The following ZNF48 variants were observed in gnomAD, a reference collection of about 807,000 sequenced individuals.
The protein encoded by ZNF48 is zinc finger protein 553.
A neutral mutation model predicts 40.0 loss-of-function variants in ZNF48; 20 were observed. The observed-to-expected ratio is 0.50, with a 90% CI of 0.35 to 0.73. The LOEUF is 0.73. Among genes scored for constraint, ZNF48 ranks in the 30% least tolerant of loss-of-function variants. The pLI is 0.01. For synonymous variants in ZNF48, 298 were observed against 329.7 expected (o/e 0.90, Z 1.04); for missense variants, 726 against 851.9 (o/e 0.85, Z 1.84).
upstream of ZNF48, among the ~76,000 whole-genome samples, chr16:30,393,842 T>C (rs537630451): frequency 6.6e-6 from 1 of 152,158 alleles, no homozygotes; most frequent in East Asian, 1.9e-4. Flanking sequence ...CAGTCTCCAG[T>C]GTAGCCAGGA....
At position 30,381,260 on chromosome 16, in the gene ZNF48, G is replaced by C; in HGVS notation, c.-16+2850G>C. On this transcript the variant is annotated intron_variant, in intron 1 of 2. Coordinates refer to the ZNF48 transcript ENST00000528032. The surrounding 1 kb of genome is among the most constrained non-coding windows in gnomAD (Gnocchi z 4.3). Reference sequence around the variant, plus strand: ...GGGCCGGAGCCTGCACCCAGGGATTGGTCATTGCCCAGCCTCAGGGGGCAG... The same window carrying C: ...GGGCCGGAGCCTGCACCCAGGGATTCGTCATTGCCCAGCCTCAGGGGGCAG... The C allele has an allele frequency of 1.9e-6, 3 of 1,613,418 alleles. No homozygotes were observed. Among genetic ancestry groups the C allele is most frequent in the Non-Finnish European group, 2.5e-6 (3 of 1,179,438 alleles).
In ZNF48 at chr16:30,397,958, C is replaced by T. The variant is rs1306078953; in HGVS notation, c.708C>T (p.Ile236=). The stretch of plus-strand genomic sequence containing the variant: ...GCTTTGGCGACAGTTCCGCCCGCAT[C>T]AAGCACCAGCGGACACACCGGGGGG... ...GKGFGDSSAR[I]KHQRTHRGEQ... Residue 236 remains isoleucine (I), a synonymous_variant, in exon 3 of 3, where the codon ATC becomes ATT. Coordinates refer to ENST00000613509, the MANE Select transcript of ZNF48 (RefSeq NM_001214909.2). The surrounding 1 kb of genome is among the most constrained non-coding windows in gnomAD (Gnocchi z 4.1). The T allele has an allele frequency of 6.2e-7, 1 of 1,613,812 alleles. No homozygotes were observed. Among genetic ancestry groups the T allele is most frequent in the East Asian group, 2.2e-5 (1 of 44,864 alleles).
Position 30,395,940 on chromosome 16 carries a change from TG to T in ZNF48, c.79+69del, listed in dbSNP as rs2049981071. 1.4e-6 allele frequency: 2 copies of T among 1,418,752 alleles called. No individual in the cohort carries two copies. The highest frequency in any genetic ancestry group is 5.5e-5 in the East Asian group (2 of 36,446). 87.9% of individuals were successfully genotyped at this position (1,418,752 alleles called of 1,614,324 possible). A position where few individuals can be genotyped will look rare whatever the true frequency, so the allele number is the denominator to read the frequency against. ...CGGTGGGGACTGCGATGCTTGGCTG[TG>T]GCCGGCCGAGATCCTGGAAGATCGG... On this transcript the variant is annotated intron_variant, in intron 2 of 2. Transcript: ENST00000613509. The surrounding 1 kb of genome is among the most constrained non-coding windows in gnomAD (Gnocchi z 5.9).
chr16:30,383,513 G>T (rs1039158441), intron 1 of ZNF48, among the ~76,000 whole-genome samples: 2 of 152,142 alleles, frequency 1.3e-5, no homozygotes, highest in Non-Finnish European at 2.9e-5. Context: ...AAAAGAAAAA[G>T]AAAAAAGTGG....
chr16:30,397,619 G>C lies in ZNF48; in HGVS notation c.369G>C (p.Gln123His). ...GTGAGTGTGGCAAAAGCTTCAGGCA[G>C]ATGTCAGATCTGGTGAAACACCAGC... ...VCGECGKSFR[Q>H]MSDLVKHQRT... is the part of the protein sequence containing the mutation. The change falls in exon 3 of 3, where the codon CAG (glutamine) becomes CAC (histidine). Residue 123 changes from glutamine (Q) to histidine (H), a missense_variant. This residue lies in a region of ZNF48 where 151 missense variants were observed against 162.3 expected (regional missense o/e 0.93). Coordinates refer to ENST00000613509, the MANE Select transcript of ZNF48 (RefSeq NM_001214909.2). The surrounding 1 kb of genome is among the most constrained non-coding windows in gnomAD (Gnocchi z 4.1). 1 of 1,614,150 alleles carries C rather than the reference G, an allele frequency of 6.2e-7. No homozygotes were observed.
intron 1 of ZNF48, among the ~76,000 whole-genome samples, chr16:30,385,817 A>G (rs1194035840): frequency 1.3e-5 from 2 of 150,576 alleles, no homozygotes; most frequent in Admixed American, 6.6e-5. Flanking sequence ...CTTTGACAGA[A>G]TAACATGTTT....
chr16:30,397,481 C>G lies in ZNF48; in HGVS notation c.231C>G (p.Asp77Glu), dbSNP rs1281231407. 1 of 1,614,128 alleles carries G rather than the reference C, an allele frequency of 6.2e-7. No individual in the cohort carries two copies. The highest frequency in any genetic ancestry group is 2.2e-5 in the East Asian group (1 of 44,892). ...CTGAAGGCATCCAGAACTGGGATGACTTATGGGTCCAGAGAGAGGGTCTAG... is the reference window on the plus strand; with the variant it reads ...CTGAAGGCATCCAGAACTGGGATGAGTTATGGGTCCAGAGAGAGGGTCTAG... ...LKPEGIQNWD[D>E]LWVQREGLGK... Residue 77 changes from aspartate (D) to glutamate (E), a missense_variant, in exon 3 of 3, where the codon GAC becomes GAG. This residue lies in a region of ZNF48 where 151 missense variants were observed against 162.3 expected (regional missense o/e 0.93). Transcript: ENST00000613509. The surrounding 1 kb of genome is among the most constrained non-coding windows in gnomAD (Gnocchi z 4.1).
upstream of ZNF48, among the ~76,000 whole-genome samples, chr16:30,393,548 C>G (rs2151116409): frequency 6.6e-6 from 1 of 151,986 alleles, no homozygotes; most frequent in African/African-American, 2.4e-5. Flanking sequence ...CCACGCCCTG[C>G]TAAGTTTTGT....
Position 30,399,033 on chromosome 16 carries a change from G to A in ZNF48, c.1783G>A (p.Val595Ile). The A allele has an allele frequency of 6.2e-7, 1 of 1,613,632 alleles. No individual in the cohort carries two copies. ...ARIKHQRGHL[V>I]LTPFGIGDGR... Reference sequence around the variant, plus strand: ...CATCAAGCACCAGCGTGGGCACCTGGTCCTGACGCCCTTTGGGATAGGGGA... The same window carrying A: ...CATCAAGCACCAGCGTGGGCACCTGATCCTGACGCCCTTTGGGATAGGGGA... The change falls in exon 3 of 3, where the codon GTC becomes ATC. Residue 595 changes from valine (V) to isoleucine (I), a missense_variant. Coordinates refer to ENST00000613509, the MANE Select transcript of ZNF48 (RefSeq NM_001214909.2).
rs1352070282 is a variant in ZNF48 at position 30,395,964 on chromosome 16, C to T, written c.79+91C>T. ...GTGGCCGGCCGAGATCCTGGAAGATCGGACGTGAGCTGTGCCTCTGGGGAG... is the reference window on the plus strand; with the variant it reads ...GTGGCCGGCCGAGATCCTGGAAGATTGGACGTGAGCTGTGCCTCTGGGGAG... On this transcript the variant is annotated intron_variant, in intron 2 of 2. Coordinates refer to ENST00000613509, the MANE Select transcript of ZNF48 (RefSeq NM_001214909.2). This position sits in a 1 kb window ranked among gnomAD's most constrained non-coding sequence, Gnocchi z 5.9. 7.6e-7 allele frequency: 1 copy of T among 1,308,664 alleles called. No individual in the cohort carries two copies. Among genetic ancestry groups the T allele is most frequent in the East Asian group, 2.9e-5 (1 of 34,220 alleles). 81.1% of individuals were successfully genotyped at this position (1,308,664 alleles called of 1,614,324 possible).
intron 1 of ZNF48, among the ~76,000 whole-genome samples, chr16:30,383,341 A>G (rs529019645): frequency 1.5e-4 from 23 of 152,140 alleles, no homozygotes; most frequent in African/African-American, 4.3e-4. Flanking sequence ...GGCACCTGCT[A>G]CCGCGCCTGG....
rs1442893004 is a variant in ZNF48, at chr16:30,397,560, G to A, written c.310G>A (p.Gly104Ser). 6.2e-7 allele frequency: 1 copy of A among 1,614,086 alleles called. No homozygotes were observed. The highest frequency in any genetic ancestry group is 1.7e-5 in the Admixed American group (1 of 60,024). ...CCGGCTCCTGGGTGAACCACGCTGG[G>A]GCCAGGCTAGTAGTGATCGGGCCGC... ...GPRLLGEPRWGQASSDRAAVC... is the reference protein window; with the variant it reads ...GPRLLGEPRWSQASSDRAAVC... Residue 104 changes from glycine to serine, a missense_variant, in exon 3 of 3, where the codon GGC (glycine) becomes AGC (serine). Gly to Ser is a moderately conservative substitution (Grantham distance 56). Transcript: ENST00000613509. The surrounding 1 kb of genome is among the most constrained non-coding windows in gnomAD (Gnocchi z 4.1).
In ZNF48 at chr16:30,397,976, C is replaced by T. The variant is rs781629760; in HGVS notation, c.726C>T (p.His242=). 3 of 1,613,834 alleles carry T rather than the reference C, an allele frequency of 1.9e-6. No homozygotes were observed. Among genetic ancestry groups the T allele is most frequent in the Non-Finnish European group, 2.5e-6 (3 of 1,179,994 alleles). ...SSARIKHQRT[H]RGEQPPRPVV... Reference sequence around the variant, plus strand: ...CCCGCATCAAGCACCAGCGGACACACCGGGGGGAGCAGCCCCCCCGACCAG... The same window carrying T: ...CCCGCATCAAGCACCAGCGGACACATCGGGGGGAGCAGCCCCCCCGACCAG... Residue 242 remains histidine (H), a synonymous_variant, in exon 3 of 3, where the codon CAC becomes CAT. Coordinates refer to ENST00000613509, the MANE Select transcript of ZNF48 (RefSeq NM_001214909.2). The surrounding 1 kb of genome is among the most constrained non-coding windows in gnomAD (Gnocchi z 4.1).
rs1362587171 is a variant in ZNF48 at position 30,399,943 on chromosome 16, T to G, written c.*836T>G. 5 of 152,316 alleles carry G rather than the reference T, an allele frequency of 3.3e-5. No individual in the cohort carries two copies. The highest frequency in any genetic ancestry group is 6.5e-5 in the Admixed American group (1 of 15,280). 9.4% of individuals were successfully genotyped at this position (152,316 alleles called of 1,614,324 possible). A position where few individuals can be genotyped will look rare whatever the true frequency, so the allele number is the denominator to read the frequency against. ...GGCCTGGCAGCCACATTTCCATGTG[T>G]CTTTTTACCAATAAACGGCTTCTCT... On this transcript the variant is annotated 3_prime_UTR_variant, in exon 3 of 3. Coordinates refer to ENST00000613509, the MANE Select transcript of ZNF48 (RefSeq NM_001214909.2).
In ZNF48 at chr16:30,398,703, G is replaced by A. The variant is rs1489273388; in HGVS notation, c.1453G>A (p.Gly485Ser). The change falls in exon 3 of 3, where the codon GGC (glycine) becomes AGC (serine). Residue 485 changes from glycine (G) to serine (S), a missense_variant. Around this residue, in one of 5 missense-constraint regions of ZNF48, gnomAD observed 25 missense variants for 51.5 expected, o/e 0.49. Transcript: ENST00000613509. The surrounding 1 kb of genome is among the most constrained non-coding windows in gnomAD (Gnocchi z 6.6). Reference protein sequence around the residue: ...GEKPYLCPECGKGFADSSARV... With the variant: ...GEKPYLCPECSKGFADSSARV... ...GAAACCCTACCTCTGTCCTGAATGCGGCAAGGGTTTTGCTGACAGCTCAGC... is the reference window on the plus strand; with the variant it reads ...GAAACCCTACCTCTGTCCTGAATGCAGCAAGGGTTTTGCTGACAGCTCAGC... The A allele has an allele frequency of 3.7e-6, 6 of 1,613,428 alleles. No homozygotes were observed. Among genetic ancestry groups the A allele is most frequent in the South Asian group, 2.2e-5 (2 of 91,062 alleles).
At chr16:30,396,729 G>A (rs1226743134) in intron 2 of ZNF48, among the ~76,000 whole-genome samples, 1 of 123,264 alleles carries the variant, frequency 8.1e-6, no homozygotes, top group Non-Finnish European at 1.6e-5. Context: ...GGGTCTCACT[G>A]TGTCACCCAG....
chr16:30,388,234 A>G (rs2049916345), intron 1 of ZNF48, among the ~76,000 whole-genome samples: 1 of 152,098 alleles, frequency 6.6e-6, no homozygotes, highest in Non-Finnish European at 1.5e-5. Flanking sequence ...TCAGCCTCCC[A>G]AAGTGCTAGG....
intron 1 of ZNF48, among the ~76,000 whole-genome samples, chr16:30,383,827 A>G (rs547512131): frequency 6.6e-6 from 1 of 152,294 alleles, no homozygotes; most frequent in Admixed American, 6.5e-5. Flanking sequence ...TGAATCAGTT[A>G]AACTCTTCCT....
At chr16:30,396,688 CTTTTTTTTTTTTT>C (rs1167683501) in intron 2 of ZNF48, among the ~76,000 whole-genome samples, 1 of 112,064 alleles carries the variant, frequency 8.9e-6, no homozygotes, top group Admixed American at 9.5e-5. Context: ...CGCTTTGCTA[CTTTTTTTTTTTTT>C]TTTTTTTTTT....
Sources: allele counts gnomAD v4.1 joint callset (sites outside exome capture counted in the v4.1 genomes callset), GRCh38; gene constraint gnomAD v4.1.1; regional missense constraint gnomAD v4.1.1; non-coding constraint Gnocchi (gnomAD v3.1); transcripts MANE v1.5; gene names NCBI Gene and HGNC (gene_info 2026-07-23, HGNC 2026-07-21).